Variants in SH3BP5 observed in about 807,000 individuals in gnomAD.
SH3BP5 encodes SH3 domain binding protein 5.
A neutral mutation model predicts 43.3 loss-of-function variants in SH3BP5; 22 were observed. The ratio of observed to expected loss-of-function variants is 0.51; its 90% CI spans 0.36 to 0.73. SH3BP5 has a LOEUF of 0.73. Among genes scored for constraint, SH3BP5 ranks in the 30% least tolerant of loss-of-function variants. The pLI, the probability that SH3BP5 is intolerant of heterozygous loss-of-function variation, is 0.00. For synonymous variants in SH3BP5, 255 were observed against 225.8 expected (o/e 1.13, Z -1.16); for missense variants, 529 against 586.9 (o/e 0.90, Z 1.02).
intron 3 of SH3BP5, among the ~76,000 whole-genome samples, chr3:15,281,441 G>A (rs976434712): frequency 1.3e-5 from 2 of 152,084 alleles, no homozygotes; most frequent in East Asian, 3.9e-4. Context: ...CCTTGAACAA[G>A]GACCTGAAGG....
chr3:15,283,340 T>C (rs1697179363), intron 3 of SH3BP5, among the ~76,000 whole-genome samples: 2 of 152,188 alleles, frequency 1.3e-5, no homozygotes, highest in Admixed American at 1.3e-4. Flanking sequence ...GAGGCTGCAG[T>C]AAGCCGAGAT....
intron 2 of SH3BP5, among the ~76,000 whole-genome samples, chr3:15,312,935 G>T (rs1010097405): frequency 6.6e-6 from 1 of 152,070 alleles, no homozygotes; most frequent in Admixed American, 6.6e-5. Context: ...TTTATAATAA[G>T]GCTATTTCCT....
At chr3:15,312,643 G>C (rs1179428221) in intron 2 of SH3BP5, among the ~76,000 whole-genome samples, 1 of 152,096 alleles carries the variant, frequency 6.6e-6, no homozygotes, top group Non-Finnish European at 1.5e-5. Context: ...TTCTGATTTT[G>C]TCAGGGAGAA....
chr3:15,322,175 C>T (rs948489805), intron 2 of SH3BP5, among the ~76,000 whole-genome samples: 1 of 151,896 alleles, frequency 6.6e-6, no homozygotes, highest in Non-Finnish European at 1.5e-5. Flanking sequence ...TGCAGTCCAG[C>T]CTGGGCAACA....
intron 6 of SH3BP5, chr3:15,259,431 C>T: frequency 1.9e-6 from 1 of 524,218 alleles, no homozygotes; most frequent in South Asian, 2.1e-5. Flanking sequence ...GCTCACTAGA[C>T]TCCAACCTCA....
At chr3:15,260,971 T>G (rs919071206) in intron 5 of SH3BP5, among the ~76,000 whole-genome samples, 7 of 152,192 alleles carry the variant, frequency 4.6e-5, no homozygotes, top group African/African-American at 1.4e-4. Context: ...ATTCGGGGTC[T>G]TTTGAGAAAA....
At chr3:15,302,417 T>A (rs1697778610) in intron 3 of SH3BP5, among the ~76,000 whole-genome samples, 1 of 152,122 alleles carries the variant, frequency 6.6e-6, no homozygotes, top group Non-Finnish European at 1.5e-5. Context: ...TACAGCCCAA[T>A]GCACCAGGCC....
chr3:15,321,149 C>T (rs571291161), intron 2 of SH3BP5, among the ~76,000 whole-genome samples: 1 of 152,050 alleles, frequency 6.6e-6, no homozygotes, highest in African/African-American at 2.4e-5. Flanking sequence ...CTATACGTGC[C>T]CACATTTATT....
chr3:15,259,673 G>T, intron 6 of SH3BP5, 88 bp downstream of exon 6: 1 of 1,166,512 alleles, frequency 8.6e-7, no homozygotes, highest in Non-Finnish European at 1.3e-6. Context: ...TATAGCAAGT[G>T]GCCCATGTGA....
At position 15,295,942 on chromosome 3, in the gene SH3BP5, T is replaced by A. The variant is rs150540732; in HGVS notation, c.330+8161A>T. On this transcript the variant is annotated intron_variant, in intron 3 of 8. Transcript: ENST00000383791. ...CTAGTGTTTTATTATCAAGAAATAT[T>A]GCATATAATTGATTGTAAGAAACAC... Among the ~76,000 whole-genome samples the A allele has an allele frequency of 1.0e-4, 15 of 150,192 alleles. 1 individual carries two copies. The highest frequency in any genetic ancestry group is 3.6e-4 in the African/African-American group (15 of 41,448).
At chr3:15,327,003 A>T (rs911986826) in intron 2 of SH3BP5, among the ~76,000 whole-genome samples, 3 of 152,134 alleles carry the variant, frequency 2.0e-5, no homozygotes, top group African/African-American at 7.2e-5. Context: ...CAAGCCCTGC[A>T]TTTTCCCTAC....
intron 3 of SH3BP5, among the ~76,000 whole-genome samples, chr3:15,300,583 G>GGAAGGT (rs1001629765): frequency 5.9e-5 from 9 of 152,228 alleles, no homozygotes; most frequent in African/African-American, 1.7e-4. Flanking sequence ...CTCACCATCA[G>GGAAGGT]GAAGGTGAGA....
chr3:15,269,623 C>T (rs1696741062), intron 4 of SH3BP5, 90 bp downstream of exon 4: 2 of 1,370,792 alleles, frequency 1.5e-6, no homozygotes, highest in Non-Finnish European at 2.0e-6. Flanking sequence ...AGGCAACATG[C>T]CTGGGAGTCG....
chr3:15,268,743 A>G (rs535383852), intron 4 of SH3BP5, among the ~76,000 whole-genome samples: 3 of 152,210 alleles, frequency 2.0e-5, no homozygotes, highest in Admixed American at 1.3e-4. Flanking sequence ...GTGTCCTCCC[A>G]AAATTCTTAT....
chr3:15,256,185 C>A lies in SH3BP5; in HGVS notation c.1269G>T (p.Glu423Asp). The change falls in exon 9 of 9, where the codon GAG becomes GAT. Residue 423 changes from glutamate (E) to aspartate (D), a missense_variant. This residue lies in a region of SH3BP5 where 369 missense variants were observed against 384.3 expected (regional missense o/e 0.96). Transcript: ENST00000383791. ...SSKSQSSTSP[E>D]GQALENRMKQ... ...TCATCCGGTTCTCCAAGGCCTGGCC[C>A]TCAGGGGAGGTGCTGCTTTGGCTCT... 1 of 1,614,186 alleles carries A rather than the reference C, an allele frequency of 6.2e-7. No homozygotes were observed. Among genetic ancestry groups the A allele is most frequent in the Non-Finnish European group, 8.5e-7 (1 of 1,180,032 alleles).
intron 2 of SH3BP5, among the ~76,000 whole-genome samples, chr3:15,323,198 A>T (rs1698379891): frequency 6.6e-6 from 1 of 152,204 alleles, no homozygotes; most frequent in Admixed American, 6.5e-5. Context: ...TAATTTTCAC[A>T]TTACAGCAGG....
At chr3:15,260,790 CTG>C (rs1340583785) in intron 5 of SH3BP5, among the ~76,000 whole-genome samples, 1 of 152,100 alleles carries the variant, frequency 6.6e-6, no homozygotes, top group Non-Finnish European at 1.5e-5. Flanking sequence ...GGAAGCCACT[CTG>C]TGGAATGCAC....
At chr3:15,259,499 G>A in intron 6 of SH3BP5, 1 of 580,422 alleles carries the variant, frequency 1.7e-6, no homozygotes, top group South Asian at 2.0e-5. Context: ...TCCAGGTGAT[G>A]CTGATGCTGC....
At chr3:15,309,243 A>G (rs1192166487) in intron 2 of SH3BP5, among the ~76,000 whole-genome samples, 2 of 152,152 alleles carry the variant, frequency 1.3e-5, no homozygotes, top group African/African-American at 2.4e-5. Context: ...GCTAGGGGAG[A>G]AAAAAACAGG....
Sources: allele counts gnomAD v4.1 joint callset (sites outside exome capture counted in the v4.1 genomes callset), GRCh38; gene constraint gnomAD v4.1.1; regional missense constraint gnomAD v4.1.1; transcripts MANE v1.5; gene names NCBI Gene and HGNC (gene_info 2026-07-23, HGNC 2026-07-21).